Variants in LCLAT1 observed in about 807,000 individuals in gnomAD.
LCLAT1 encodes 1-AGP acyltransferase 8.
In LCLAT1, 11 loss-of-function variants were observed where a neutral mutation model predicts 30.7. That is an observed-to-expected ratio of 0.36 (90% CI 0.23 to 0.59). LCLAT1 has a LOEUF of 0.59. Among genes scored for constraint, LCLAT1 ranks in the 20% least tolerant of loss-of-function variants. The probability of loss-of-function intolerance (pLI) is 0.77; values close to 1 mark genes in which losing one functional copy is unlikely to be tolerated. For synonymous variants in LCLAT1, 155 were observed against 151.3 expected, an observed-to-expected ratio of 1.02 and a Z score of -0.18; for missense variants, 402 against 458.6, an observed-to-expected ratio of 0.88 and a Z score of 1.13.
In LCLAT1 at chr2:30,562,297, T is replaced by A. The variant is rs766422415; in HGVS notation, c.511+5T>A. The A allele has an allele frequency of 1.7e-5, 27 of 1,595,404 alleles. No homozygotes were observed. The highest frequency in any genetic ancestry group is 2.3e-5 in the Non-Finnish European group (27 of 1,167,572). On this transcript the variant is annotated splice_donor_5th_base_variant and intron_variant, in intron 4 of 5. Transcript: ENST00000379509. ...CAGAAGGGACTGATCTCACAGGTAATGTAGCCTGGGTTTGGCAAAGTTAGA... is the reference window on the plus strand; with the variant it reads ...CAGAAGGGACTGATCTCACAGGTAAAGTAGCCTGGGTTTGGCAAAGTTAGA...
chr2:30,495,121 A>T (rs919504704), intron 1 of LCLAT1, among the ~76,000 whole-genome samples: 1 of 152,140 alleles, frequency 6.6e-6, no homozygotes, highest in African/African-American at 2.4e-5. Context: ...CAGTGTTCTG[A>T]TATATAACAT....
At chr2:30,462,558 A>G (rs1305005887) in intron 1 of LCLAT1, among the ~76,000 whole-genome samples, 3 of 152,164 alleles carry the variant, frequency 2.0e-5, no homozygotes. Context: ...TGAATACTTA[A>G]GTTTATCTGG....
intron 5 of LCLAT1, among the ~76,000 whole-genome samples, chr2:30,637,563 G>T (rs1558572737): frequency 6.6e-6 from 1 of 151,968 alleles, no homozygotes; most frequent in Non-Finnish European, 1.5e-5. Flanking sequence ...TTTCCCATGG[G>T]CTTCTGACTA....
At chr2:30,595,908 C>T (rs569083033) in intron 5 of LCLAT1, among the ~76,000 whole-genome samples, 7 of 152,086 alleles carry the variant, frequency 4.6e-5, no homozygotes, top group Admixed American at 1.3e-4. Context: ...TTTCTGTTCC[C>T]GGGTTAGTTT....
At chr2:30,479,964 T>C (rs1003687587) in intron 1 of LCLAT1, among the ~76,000 whole-genome samples, 1 of 152,196 alleles carries the variant, frequency 6.6e-6, no homozygotes, top group Non-Finnish European at 1.5e-5. Flanking sequence ...ATGGAAATAA[T>C]CCCTGCCTTC....
intron 1 of LCLAT1, among the ~76,000 whole-genome samples, chr2:30,475,705 T>C (rs1013484076): frequency 6.6e-6 from 1 of 152,234 alleles, no homozygotes. Flanking sequence ...TCCTTCCTTT[T>C]AGTGATTCTT....
chr2:30,560,571 C>T (rs1665164496), intron 3 of LCLAT1, among the ~76,000 whole-genome samples: 1 of 151,926 alleles, frequency 6.6e-6, no homozygotes, highest in East Asian at 1.9e-4. Flanking sequence ...CTGCTGACCT[C>T]AGGTGATCCA....
chr2:30,639,383 TTTAA>T (rs1428284158), intron 5 of LCLAT1, among the ~76,000 whole-genome samples: 1 of 152,080 alleles, frequency 6.6e-6, no homozygotes, highest in Non-Finnish European at 1.5e-5. Flanking sequence ...CTCTGGCCTG[TTTAA>T]GTGAAAACAC....
intron 1 of LCLAT1, among the ~76,000 whole-genome samples, chr2:30,464,778 C>T (rs1019141492): frequency 1.3e-5 from 2 of 152,214 alleles, no homozygotes; most frequent in Non-Finnish European, 2.9e-5. Context: ...AGGCCTATGA[C>T]CTTGTCATTG....
At chr2:30,482,293 T>G (rs1321265453) in intron 1 of LCLAT1, among the ~76,000 whole-genome samples, 1 of 152,082 alleles carries the variant, frequency 6.6e-6, no homozygotes, top group Non-Finnish European at 1.5e-5. Context: ...GTAGGTTAGA[T>G]TTTTTTTCCA....
At chr2:30,514,072 C>T (rs756931804) in intron 1 of LCLAT1, among the ~76,000 whole-genome samples, 1 of 152,176 alleles carries the variant, frequency 6.6e-6, no homozygotes, top group Non-Finnish European at 1.5e-5. Context: ...CTGAGAATCT[C>T]CTTGGTTATA....
intron 5 of LCLAT1, among the ~76,000 whole-genome samples, chr2:30,576,489 T>C (rs1353733390): frequency 2.0e-5 from 3 of 152,064 alleles, no homozygotes; most frequent in Admixed American, 6.6e-5. Context: ...TAAGTTTCAG[T>C]GAGTATGCAA....
intron 2 of LCLAT1, among the ~76,000 whole-genome samples, 182 bp downstream of exon 2, chr2:30,525,937 G>A (rs1009599421): frequency 6.6e-6 from 1 of 152,130 alleles, no homozygotes; most frequent in African/African-American, 2.4e-5. Flanking sequence ...TAAATGCTAT[G>A]TAAATAGTTG....
At chr2:30,495,988 G>C (rs1209291687) in intron 1 of LCLAT1, among the ~76,000 whole-genome samples, 4 of 152,076 alleles carry the variant, frequency 2.6e-5, no homozygotes, top group Non-Finnish European at 5.9e-5. Flanking sequence ...AGGTTTAATT[G>C]GCTCATGGTG....
intron 1 of LCLAT1, among the ~76,000 whole-genome samples, chr2:30,487,681 T>C (rs1319432113): frequency 6.6e-6 from 1 of 152,142 alleles, no homozygotes; most frequent in Admixed American, 6.5e-5. Context: ...GGATGAGATG[T>C]GTTAGGTGGA....
At chr2:30,588,869 G>T (rs995471197) in intron 5 of LCLAT1, among the ~76,000 whole-genome samples, 2 of 152,040 alleles carry the variant, frequency 1.3e-5, no homozygotes, top group Non-Finnish European at 2.9e-5. Context: ...TAGAGTGCTG[G>T]GATTACAGGC....
Position 30,571,895 on chromosome 2 carries a change from CTTTCT to C in LCLAT1, c.628+3723_628+3727del, listed in dbSNP as rs528172832. ...AATATTTTTGTAGATTAGTAGCTGA[CTTTCT>C]TTTGAGGCCATTTTACAAGGAACAT... On this transcript the variant is annotated intron_variant, in intron 5 of 5. Transcript: ENST00000379509. Among the ~76,000 whole-genome samples, 163 of 152,286 alleles carry C rather than the reference CTTTCT, an allele frequency of 1.1e-3. 4 individuals are homozygous for C. The South Asian group carries it at 0.024, about 23-fold the overall frequency.
chr2:30,586,358 G>C (rs774973452), intron 5 of LCLAT1, among the ~76,000 whole-genome samples: 1 of 151,990 alleles, frequency 6.6e-6, no homozygotes, highest in Non-Finnish European at 1.5e-5. Flanking sequence ...TTGGGGAAGA[G>C]TCCTTCCTTG....
intron 3 of LCLAT1, among the ~76,000 whole-genome samples, chr2:30,540,489 G>C (rs1449874770): frequency 6.6e-6 from 1 of 152,006 alleles, no homozygotes; most frequent in Non-Finnish European, 1.5e-5. Context: ...GAGTATGAGA[G>C]ATATTGTCCA....
Sources: allele counts gnomAD v4.1 joint callset (sites outside exome capture counted in the v4.1 genomes callset), GRCh38; gene constraint gnomAD v4.1.1; transcripts MANE v1.5; gene names NCBI Gene and HGNC (gene_info 2026-07-23, HGNC 2026-07-21).